Variants in DLGAP4 observed in about 807,000 individuals in gnomAD.
The protein encoded by DLGAP4 is DLG associated protein 4.
In DLGAP4, 18 loss-of-function variants were observed where a neutral mutation model predicts 86.9. The observed-to-expected ratio is 0.21, with a 90% CI of 0.14 to 0.31. The LOEUF (loss-of-function observed/expected upper bound fraction) is 0.31, where lower values mean the gene tolerates loss of function less well. Among genes scored for constraint, DLGAP4 ranks in the 10% least tolerant of loss-of-function variants. DLGAP4 has a pLI of 1.00. For synonymous variants in DLGAP4, 548 were observed against 574.3 expected, an observed-to-expected ratio of 0.95 and a Z score of 0.65; for missense variants, 1,085 against 1,362.6, an observed-to-expected ratio of 0.80 and a Z score of 3.21.
chr20:36,429,943 A>G (rs528331210), intron 2 of DLGAP4, among the ~76,000 whole-genome samples: 17 of 152,154 alleles, frequency 1.1e-4, no homozygotes, highest in African/African-American at 4.1e-4. Context: ...TCCCTCCACA[A>G]ACCTTGTCCT....
intron 2 of DLGAP4, among the ~76,000 whole-genome samples, chr20:36,382,855 G>A (rs896608537): frequency 5.3e-5 from 8 of 152,020 alleles, no homozygotes; most frequent in Admixed American, 5.2e-4. Flanking sequence ...TCAGCAAAAT[G>A]GGTATAATTG....
At chr20:36,385,871 C>A (rs1481007106) in intron 2 of DLGAP4, among the ~76,000 whole-genome samples, 1 of 152,166 alleles carries the variant, frequency 6.6e-6, no homozygotes, top group Non-Finnish European at 1.5e-5. Context: ...TTACCTATGG[C>A]CTAAGAGATC....
chr20:36,427,709 A>G (rs1204091377), intron 2 of DLGAP4, among the ~76,000 whole-genome samples: 1 of 152,040 alleles, frequency 6.6e-6, no homozygotes, highest in Non-Finnish European at 1.5e-5. Context: ...TTGGGAGGCC[A>G]AGGTGGGTGG....
intron 1 of DLGAP4, among the ~76,000 whole-genome samples, chr20:36,329,863 T>A (rs537251657): frequency 6.6e-6 from 1 of 152,266 alleles, no homozygotes; most frequent in South Asian, 2.1e-4. Context: ...AAACCCCATC[T>A]CTACTGAAAA....
chr20:36,461,536 C>T (rs1426418297), intron 7 of DLGAP4: 19 of 982,326 alleles, frequency 1.9e-5, no homozygotes, highest in Non-Finnish European at 2.1e-5. Context: ...TGGCCGCCGC[C>T]GCCGCCGCCA....
chr20:36,360,292 A>G (rs1240464236), intron 1 of DLGAP4, among the ~76,000 whole-genome samples: 1 of 152,140 alleles, frequency 6.6e-6, no homozygotes, highest in Non-Finnish European at 1.5e-5. Context: ...CAATGCTGGG[A>G]TAAAGTCCAG....
intron 2 of DLGAP4, among the ~76,000 whole-genome samples, chr20:36,380,318 G>A (rs2031326609): frequency 1.3e-5 from 2 of 151,626 alleles, no homozygotes; most frequent in African/African-American, 4.8e-5. Flanking sequence ...GCTGAAATGG[G>A]AGGATCACTT....
At chr20:36,333,246 G>A (rs1344042413) in intron 1 of DLGAP4, among the ~76,000 whole-genome samples, 2 of 152,128 alleles carry the variant, frequency 1.3e-5, no homozygotes, top group African/African-American at 4.8e-5. Flanking sequence ...TACTCATCCT[G>A]CTGCAAATGC....
chr20:36,312,886 G>A (rs1172627295), intron 1 of DLGAP4, among the ~76,000 whole-genome samples: 2 of 152,044 alleles, frequency 1.3e-5, no homozygotes, highest in Non-Finnish European at 2.9e-5. Context: ...CTGGGTATCT[G>A]GGGGTTTGTA....
At chr20:36,523,716 T>G (rs548661053) in intron 10 of DLGAP4, among the ~76,000 whole-genome samples, 1 of 152,296 alleles carries the variant, frequency 6.6e-6, no homozygotes, top group South Asian at 2.1e-4. Flanking sequence ...CAAGCTGGAG[T>G]GCAGTGGCGC....
chr20:36,361,613 C>G (rs918160539), intron 1 of DLGAP4, among the ~76,000 whole-genome samples: 3 of 151,946 alleles, frequency 2.0e-5, no homozygotes, highest in Non-Finnish European at 4.4e-5. Context: ...GGTACTGGCC[C>G]GGACGGGGGC....
At chr20:36,314,791 G>A (rs1399536931) in intron 1 of DLGAP4, among the ~76,000 whole-genome samples, 15 of 142,636 alleles carry the variant, frequency 1.1e-4, no homozygotes, top group African/African-American at 4.0e-4. Context: ...TGTGATGTGT[G>A]TGTGGTGTGG....
Position 36,431,267 on chromosome 20 carries a change from C to T in DLGAP4, c.-72-379C>T, listed in dbSNP as rs1600519844. 6.6e-6 allele frequency among the ~76,000 whole-genome samples: 1 copy of T among 152,004 alleles called. No homozygotes were observed. The highest frequency in any genetic ancestry group is 2.4e-5 in the African/African-American group (1 of 41,372). ...GCTGGGGTATTTGCATCTATGTGGACCCTCGGGGTGAGGGACAGAGTCAGA... is the reference window on the plus strand; with the variant it reads ...GCTGGGGTATTTGCATCTATGTGGATCCTCGGGGTGAGGGACAGAGTCAGA... On this transcript the variant is annotated intron_variant, in intron 2 of 12. Coordinates refer to ENST00000339266, the MANE Select transcript of DLGAP4 (RefSeq NM_001365621.2). The surrounding 1 kb of genome is among the most constrained non-coding windows in gnomAD (Gnocchi z 5.1).
chr20:36,387,943 A>C (rs2031655234), intron 2 of DLGAP4, among the ~76,000 whole-genome samples: 1 of 152,200 alleles, frequency 6.6e-6, no homozygotes, highest in Non-Finnish European at 1.5e-5. Context: ...TTTGGGGTAC[A>C]ACAATCCTTC....
rs375972834 is a variant in DLGAP4, at chr20:36,442,704, C to T, written c.1357-23C>T. 7 of 1,610,106 alleles carry T rather than the reference C, an allele frequency of 4.3e-6. No homozygotes were observed. In the African/African-American group the frequency reaches 8.0e-5, roughly 18 times the overall value. On this transcript the variant is annotated intron_variant, in intron 5 of 12. Coordinates refer to ENST00000339266, the MANE Select transcript of DLGAP4 (RefSeq NM_001365621.2). ...AGCCCCAGCCCTGGTCCTTCCATAA[C>T]CCTCACCCTCTCTTTCCTGCAGATT...
chr20:36,431,745 C>G lies in DLGAP4; in HGVS notation c.28C>G (p.Arg10Gly). Residue 10 changes from arginine to glycine, a missense_variant, in exon 3 of 13, where the codon CGC becomes GGC. Around this residue, in one of 2 missense-constraint regions of DLGAP4, gnomAD observed 1,082 missense variants for 1,344.1 expected, o/e 0.81. Transcript: ENST00000339266. The surrounding 1 kb of genome is among the most constrained non-coding windows in gnomAD (Gnocchi z 5.1). MKGLGDSRP[R>G]HLSDSLDPPH... ...GAAAGGCCTCGGTGACAGCCGCCCCCGCCACCTCTCCGACAGCCTAGACCC... is the reference window on the plus strand; with the variant it reads ...GAAAGGCCTCGGTGACAGCCGCCCCGGCCACCTCTCCGACAGCCTAGACCC... 6.2e-7 allele frequency: 1 copy of G among 1,603,290 alleles called. No individual in the cohort carries two copies. The highest frequency in any genetic ancestry group is 8.5e-7 in the Non-Finnish European group (1 of 1,173,106).
chr20:36,425,614 G>T (rs2032953720), intron 2 of DLGAP4, among the ~76,000 whole-genome samples: 1 of 152,020 alleles, frequency 6.6e-6, no homozygotes, highest in African/African-American at 2.4e-5. Flanking sequence ...ACAAGGTCAG[G>T]AGTTCAAGAA....
intron 7 of DLGAP4, among the ~76,000 whole-genome samples, chr20:36,481,862 G>A (rs1007134679): frequency 6.6e-6 from 1 of 152,178 alleles, no homozygotes; most frequent in Non-Finnish European, 1.5e-5. Context: ...TCCTGTAACA[G>A]TGCATCCTCA....
At chr20:36,499,438 C>T (rs1434361461) in intron 8 of DLGAP4, 150 bp from the exon 9 acceptor site, 2 of 1,364,032 alleles carry the variant, frequency 1.5e-6, no homozygotes, top group African/African-American at 2.9e-5. Flanking sequence ...CGGCCTCGGG[C>T]CCACGTGCAG....
Sources: gnomAD v4.1 joint callset for allele counts (sites outside exome capture counted in the v4.1 genomes callset) on GRCh38, gnomAD v4.1.1 for gene constraint, gnomAD v4.1.1 regional missense constraint, Gnocchi (gnomAD v3.1) non-coding constraint, MANE v1.5 for transcripts, NCBI Gene and HGNC (gene_info 2026-07-23, HGNC 2026-07-21) for gene names.